Variants in BTBD1 observed in about 807,000 individuals in gnomAD.
BTBD1 encodes BTB domain containing 1.
Under a neutral mutation model 48.0 loss-of-function variants are expected in BTBD1, and 34 were observed. That is an observed-to-expected ratio of 0.71 (90% CI 0.54 to 0.94). The LOEUF (loss-of-function observed/expected upper bound fraction) is 0.94, where lower values mean the gene tolerates loss of function less well. BTBD1 is among the 40% of genes least tolerant of loss of function. The pLI, the probability that BTBD1 is intolerant of heterozygous loss-of-function variation, is 0.00. For missense variants in BTBD1, 543 were observed against 625.6 expected (o/e 0.87, Z 1.41); for synonymous variants, 261 against 242.1 (o/e 1.08, Z -0.72).
intron 1 of BTBD1, among the ~76,000 whole-genome samples, chr15:83,062,966 C>T (rs939630198): frequency 6.6e-6 from 1 of 152,160 alleles, no homozygotes; most frequent in African/African-American, 2.4e-5. Context: ...GCAGGGTTAT[C>T]GATAGCTTCC....
chr15:83,059,556 C>T (rs1479683390), intron 1 of BTBD1, among the ~76,000 whole-genome samples: 1 of 152,144 alleles, frequency 6.6e-6, no homozygotes, highest in Non-Finnish European at 1.5e-5. Context: ...AAAACAACAA[C>T]AACAACAACA....
chr15:83,023,014 A>G (rs936411380), intron 5 of BTBD1, among the ~76,000 whole-genome samples: 8 of 152,168 alleles, frequency 5.3e-5, no homozygotes, highest in African/African-American at 1.9e-4. Flanking sequence ...ATGCAGCTAA[A>G]TAAGAGGAAA....
chr15:83,044,184 T>TA (rs773433708), intron 3 of BTBD1, among the ~76,000 whole-genome samples: 21 of 152,238 alleles, frequency 1.4e-4, no homozygotes, highest in Non-Finnish European at 2.8e-4. Flanking sequence ...ATGTAACTGA[T>TA]ACTTAGTGAG....
At chr15:83,042,388 ATT>A (rs2032784530) in intron 3 of BTBD1, among the ~76,000 whole-genome samples, 1 of 117,650 alleles carries the variant, frequency 8.5e-6, no homozygotes, top group African/African-American at 3.4e-5. Context: ...GTATGTATAT[ATT>A]TTGGATATAG....
Position 83,067,112 on chromosome 15 carries a change from A to G in BTBD1, c.40T>C (p.Ser14Pro), listed in dbSNP as rs758689180. 34 of 1,465,148 alleles carry G rather than the reference A, an allele frequency of 2.3e-5. No individual in the cohort carries two copies. The allele number at this position is 1,465,148 out of a possible 1,614,324, so 90.8% of individuals were successfully genotyped here. Reference sequence around the variant, plus strand: ...GGGCCCGGCTCCGCCTCAGCCCCCGACGCCTGCTCCCCAGCTGCGGCAGGC... The same window carrying G: ...GGGCCCGGCTCCGCCTCAGCCCCCGGCGCCTGCTCCCCAGCTGCGGCAGGC... ...LGPAAAGEQA[S>P]GAEAEPGPAG... The change falls in exon 1 of 8, where the codon TCG becomes CCG. Residue 14 changes from serine (S) to proline (P), a missense_variant. Coordinates refer to ENST00000261721, the MANE Select transcript of BTBD1 (RefSeq NM_025238.4).
chr15:83,063,715 C>T (rs1268045494), intron 1 of BTBD1, among the ~76,000 whole-genome samples: 1 of 152,190 alleles, frequency 6.6e-6, no homozygotes, highest in Non-Finnish European at 1.5e-5. Flanking sequence ...CTGCACCATC[C>T]TGTCTGGCCT....
chr15:83,059,691 T>A (rs1331039326), intron 1 of BTBD1, among the ~76,000 whole-genome samples: 3 of 152,224 alleles, frequency 2.0e-5, no homozygotes, highest in Non-Finnish European at 4.4e-5. Flanking sequence ...CAGGTGAATC[T>A]CCTGCTTCAG....
chr15:83,035,422 C>G (rs955234726), intron 4 of BTBD1, among the ~76,000 whole-genome samples: 3 of 151,394 alleles, frequency 2.0e-5, no homozygotes, highest in Non-Finnish European at 2.9e-5. Flanking sequence ...GGAATTAAGA[C>G]AGAAATCAGC....
intron 1 of BTBD1, among the ~76,000 whole-genome samples, chr15:83,065,832 C>A (rs559305831): frequency 2.0e-5 from 3 of 152,278 alleles, no homozygotes; most frequent in Non-Finnish European, 2.9e-5. Context: ...AATCTACTAT[C>A]CTCAAATAAC....
chr15:83,030,005 A>C (rs1229412413), intron 5 of BTBD1, 131 bp downstream of exon 5: 14 of 889,266 alleles, frequency 1.6e-5, no homozygotes, highest in African/African-American at 3.4e-5. Flanking sequence ...TCCTATATTA[A>C]CTTAACTTAA....
chr15:83,019,731 A>G (rs1368236083), intron 6 of BTBD1, among the ~76,000 whole-genome samples: 2 of 151,032 alleles, frequency 1.3e-5, no homozygotes, highest in African/African-American at 4.9e-5. Context: ...AGTAGCTGGG[A>G]TTACAGGCAT....
chr15:83,066,163 G>A (rs1023565964), intron 1 of BTBD1, among the ~76,000 whole-genome samples: 4 of 152,020 alleles, frequency 2.6e-5, no homozygotes, highest in Admixed American at 2.6e-4. Context: ...GCCGGGCGTG[G>A]TGGCGCGTGC....
At chr15:83,020,629 G>GT in intron 6 of BTBD1, 46 bp downstream of exon 6, 3 of 1,254,136 alleles carry the variant, frequency 2.4e-6, no homozygotes, top group Non-Finnish European at 3.4e-6. Flanking sequence ...AAAGTTACCT[G>GT]TTTGTGTTAT....
chr15:83,040,649 G>A (rs1308662739), intron 4 of BTBD1, among the ~76,000 whole-genome samples: 5 of 144,172 alleles, frequency 3.5e-5, no homozygotes, highest in Non-Finnish European at 6.0e-5. Flanking sequence ...GCGGTGAGCT[G>A]AGATCGCACG....
intron 4 of BTBD1, among the ~76,000 whole-genome samples, chr15:83,036,325 T>C (rs2032630357): frequency 6.6e-6 from 1 of 152,232 alleles, no homozygotes; most frequent in South Asian, 2.1e-4. Context: ...TTCAACATCA[T>C]TAATCATCCG....
intron 1 of BTBD1, among the ~76,000 whole-genome samples, chr15:83,062,749 G>A (rs764787185): frequency 2.6e-5 from 4 of 152,148 alleles, no homozygotes; most frequent in Non-Finnish European, 5.9e-5. Context: ...GAATGAGTGC[G>A]TAAAGCTCTC....
chr15:83,032,639 A>G (rs1320377676), intron 4 of BTBD1, among the ~76,000 whole-genome samples: 3 of 152,210 alleles, frequency 2.0e-5, no homozygotes, highest in Non-Finnish European at 4.4e-5. Flanking sequence ...GGAAAACCAA[A>G]TACCATATGG....
chr15:83,063,205 A>G (rs1305949032), intron 1 of BTBD1, among the ~76,000 whole-genome samples: 2 of 152,136 alleles, frequency 1.3e-5, no homozygotes, highest in Non-Finnish European at 2.9e-5. Context: ...ACATCTCTAC[A>G]TATTTGAAGA....
intron 4 of BTBD1, among the ~76,000 whole-genome samples, chr15:83,039,639 T>C (rs2032704315): frequency 6.6e-6 from 1 of 151,582 alleles, no homozygotes; most frequent in African/African-American, 2.4e-5. Context: ...CTAAGCTTGG[T>C]GGCGGGCGGG....
Sources: allele counts gnomAD v4.1 joint callset (sites outside exome capture counted in the v4.1 genomes callset), GRCh38; gene constraint gnomAD v4.1.1; transcripts MANE v1.5; gene names NCBI Gene and HGNC (gene_info 2026-07-23, HGNC 2026-07-21).